Variants in NR4A2 observed in about 807,000 individuals in gnomAD.
NR4A2 encodes NGFI-B/nur77 beta-type transcription factor homolog.
Under a neutral mutation model 50.5 loss-of-function variants are expected in NR4A2, and 1 was observed. That is an observed-to-expected ratio of 0.02 (90% CI 0.01 to 0.09). The LOEUF is 0.09. Ranked by LOEUF, NR4A2 falls within the 10% of genes least tolerant of loss-of-function variation. The pLI is 1.00. For synonymous variants in NR4A2, 328 were observed against 309.4 expected (o/e 1.06, Z -0.63); for missense variants, 613 against 777.3 (o/e 0.79, Z 2.51).
intron 1 of NR4A2, chr2:156,331,671 CACAG>C (rs1172443925): frequency 6.6e-6 from 1 of 152,216 alleles, no homozygotes; most frequent in Non-Finnish European, 1.5e-5. Flanking sequence ...CATTCTAGAG[CACAG>C]ACAATCTTAT....
Position 156,326,611 on chromosome 2 carries a change from T to A in NR4A2, c.1361+107A>T. 2 of 1,243,680 alleles carry A rather than the reference T, an allele frequency of 1.6e-6. No homozygotes were observed. The highest frequency in any genetic ancestry group is 2.3e-5 in the East Asian group (1 of 43,214). 77.0% of individuals were successfully genotyped at this position (1,243,680 alleles called of 1,614,324 possible). A position where few individuals can be genotyped will look rare whatever the true frequency, so the allele number is the denominator to read the frequency against. On this transcript the variant is annotated intron_variant, in intron 6 of 7. Coordinates refer to ENST00000339562, the MANE Select transcript of NR4A2 (RefSeq NM_006186.4). The surrounding 1 kb of genome is among the most constrained non-coding windows in gnomAD (Gnocchi z 4.2). ...CCTTTCTCCGACTTCCATTTCCTAT[T>A]CTGTCTTTTTCTCTACCCCACCCTC...
rs1016909114 is a variant in NR4A2, at chr2:156,325,185, AT to A, written c.*558del. On this transcript the variant is annotated 3_prime_UTR_variant, in exon 8 of 8. Transcript: ENST00000339562. ...TAAAAAGCCAAACTGCATTGGGTAAATTTACAAGCCTTTGCCTTCTTCAACT... is the reference window on the plus strand; with the variant it reads ...TAAAAAGCCAAACTGCATTGGGTAAATTACAAGCCTTTGCCTTCTTCAACT... 1.3e-5 allele frequency: 2 copies of A among 153,194 alleles called. No individual in the cohort carries two copies. Among genetic ancestry groups the A allele is most frequent in the African/African-American group, 4.8e-5 (2 of 41,448 alleles). 9.5% of individuals were successfully genotyped at this position (153,194 alleles called of 1,614,324 possible). A position where few individuals can be genotyped will look rare whatever the true frequency, so the allele number is the denominator to read the frequency against.
chr2:156,332,552 C>T lies in NR4A2; in HGVS notation c.-199G>A. The T allele has an allele frequency of 7.8e-7, 1 of 1,284,068 alleles. No homozygotes were observed. The highest frequency in any genetic ancestry group is 1.0e-6 in the Non-Finnish European group (1 of 984,372). The allele number at this position is 1,284,068 out of a possible 1,614,324, so 79.5% of individuals were successfully genotyped here. ...GCAGTTCCCTCTGGGAGCCCGGGCGCCGGGGTCGGGTAGGGGTGGGAGAGC... is the reference window on the plus strand; with the variant it reads ...GCAGTTCCCTCTGGGAGCCCGGGCGTCGGGGTCGGGTAGGGGTGGGAGAGC... On this transcript the variant is annotated 5_prime_UTR_variant, in exon 1 of 8. Coordinates refer to ENST00000339562, the MANE Select transcript of NR4A2 (RefSeq NM_006186.4).
intron 1 of NR4A2, among the ~76,000 whole-genome samples, chr2:156,331,292 A>G (rs1686912911): frequency 6.6e-6 from 1 of 152,238 alleles, no homozygotes; most frequent in Admixed American, 6.5e-5. Context: ...AAAATGTTAG[A>G]AAGGCCTTGA....
Position 156,326,942 on chromosome 2 carries a change from C to T in NR4A2, c.1159-22G>A, listed in dbSNP as rs201359936. ...GGAACTGGAATTTCATTTTAAAAAG[C>T]ACTTAATGAGGTTCTCTAAAATATA... On this transcript the variant is annotated intron_variant, in intron 5 of 7. Transcript: ENST00000339562. The surrounding 1 kb of genome is among the most constrained non-coding windows in gnomAD (Gnocchi z 4.2). 1.9e-6 allele frequency: 3 copies of T among 1,610,544 alleles called. No homozygotes were observed. Among genetic ancestry groups the T allele is most frequent in the Non-Finnish European group, 1.7e-6 (2 of 1,177,052 alleles).
Position 156,329,644 on chromosome 2 carries a change from C to A in NR4A2, c.543G>T (p.Ser181=). ...AACTAGACACCGGGGTGCCAGGGGG[C>A]GATTGCTTAAAGGAGAAGAGGGAGA... ...SRLSLFSFKQ[S]PPGTPVSSCQ... is the part of the protein sequence containing the mutation. Residue 181 remains serine (S), a synonymous_variant, in exon 3 of 8, where the codon TCG becomes TCT. Coordinates refer to ENST00000339562, the MANE Select transcript of NR4A2 (RefSeq NM_006186.4). This position sits in a 1 kb window ranked among gnomAD's most constrained non-coding sequence, Gnocchi z 7.5. 6.2e-7 allele frequency: 1 copy of A among 1,613,574 alleles called. No homozygotes were observed. The highest frequency in any genetic ancestry group is 8.5e-7 in the Non-Finnish European group (1 of 1,179,766).
intron 1 of NR4A2, among the ~76,000 whole-genome samples, chr2:156,331,396 T>C (rs1686918493): frequency 6.6e-6 from 1 of 152,224 alleles, no homozygotes; most frequent in Non-Finnish European, 1.5e-5. Flanking sequence ...ATGTTCACTT[T>C]TCCAGAAAAC....
rs749837968 is a variant in NR4A2 at position 156,330,014 on chromosome 2, G to A, written c.173C>T (p.Pro58Leu). 2 of 1,614,220 alleles carry A rather than the reference G, an allele frequency of 1.2e-6. No individual in the cohort carries two copies. The highest frequency in any genetic ancestry group is 1.7e-6 in the Non-Finnish European group (2 of 1,180,046). The change falls in exon 3 of 8, where the codon CCC becomes CTC. Residue 58 changes from proline to leucine, a missense_variant. Coordinates refer to ENST00000339562, the MANE Select transcript of NR4A2 (RefSeq NM_006186.4). ...NTEITATTSL[P>L]SFSTFMDNYS... ...GTTGTCCATAAAGGTACTGAAGCTG[G>A]GGAGAGAAGTGGTGGCAGTGATTTC...
chr2:156,326,995 CT>C lies in NR4A2; in HGVS notation c.1159-76del. 1 of 1,406,172 alleles carries C rather than the reference CT, an allele frequency of 7.1e-7. No homozygotes were observed. Among genetic ancestry groups the C allele is most frequent in the East Asian group, 2.3e-5 (1 of 43,856 alleles). The allele number at this position is 1,406,172 out of a possible 1,614,324, so 87.1% of individuals were successfully genotyped here. ...ACCCGTGAAATTGCTAACCCCGTTT[CT>C]AATAGGGGAGCCAGGTTTTTATAAC... On this transcript the variant is annotated intron_variant, in intron 5 of 7. Transcript: ENST00000339562. The surrounding 1 kb of genome is among the most constrained non-coding windows in gnomAD (Gnocchi z 4.2).
Position 156,325,911 on chromosome 2 carries a change from C to A in NR4A2, c.1630G>T (p.Gly544Trp), listed in dbSNP as rs774369534. ...CLKDHVTFNN[G>W]GLNRPNYLSK... ...AAATAATTGGGGCGGTTCAACCCCCCATTGTTGAAAGTCACGTGGTCTTTG... is the reference window on the plus strand; with the variant it reads ...AAATAATTGGGGCGGTTCAACCCCCAATTGTTGAAAGTCACGTGGTCTTTG... The change falls in exon 8 of 8, where the codon GGG (glycine) becomes TGG (tryptophan). Residue 544 changes from glycine (G) to tryptophan (W), a missense_variant. By Grantham distance (184) the Gly-to-Trp change is radical (BLOSUM62 -2). Coordinates refer to ENST00000339562, the MANE Select transcript of NR4A2 (RefSeq NM_006186.4). 2 of 1,614,204 alleles carry A rather than the reference C, an allele frequency of 1.2e-6. No individual in the cohort carries two copies. The highest frequency in any genetic ancestry group is 2.2e-5 in the East Asian group (1 of 44,890).
chr2:156,325,320 G>T lies in NR4A2; in HGVS notation c.*424C>A. The T allele has an allele frequency of 4.9e-6, 1 of 202,316 alleles. No individual in the cohort carries two copies. Among genetic ancestry groups the T allele is most frequent in the Non-Finnish European group, 1.0e-5 (1 of 97,650 alleles). 12.5% of individuals were successfully genotyped at this position (202,316 alleles called of 1,614,324 possible). On this transcript the variant is annotated 3_prime_UTR_variant, in exon 8 of 8. Transcript: ENST00000339562. ...ATACTTGTGGGTCCCCTTAAGATGT[G>T]TCTCTGTGTGTGTGTGTGTGTGTGT...
chr2:156,331,970 A>G (rs570821480), intron 1 of NR4A2: 1 of 158,660 alleles, frequency 6.3e-6, no homozygotes, highest in African/African-American at 2.4e-5. Flanking sequence ...CAACTTAGTA[A>G]CAGGACACGC....
In NR4A2 at chr2:156,326,465, G is replaced by A; in HGVS notation, c.1362-137C>T. The A allele has an allele frequency of 2.2e-6, 2 of 916,442 alleles. No homozygotes were observed. The highest frequency in any genetic ancestry group is 1.7e-5 in the African/African-American group (1 of 60,296). The allele number at this position is 916,442 out of a possible 1,614,324, so 56.8% of individuals were successfully genotyped here. A position where few individuals can be genotyped will look rare whatever the true frequency, so the allele number is the denominator to read the frequency against. On this transcript the variant is annotated intron_variant, in intron 6 of 7. Transcript: ENST00000339562. This position sits in a 1 kb window ranked among gnomAD's most constrained non-coding sequence, Gnocchi z 4.2. ...AGAGTTAATAAAATGTAGACCAGTG[G>A]ACCTTGAAAGGGTTTAATTTCATAA...
At position 156,325,638 on chromosome 2, in the gene NR4A2, GC is replaced by G; in HGVS notation, c.*105del. On this transcript the variant is annotated 3_prime_UTR_variant, in exon 8 of 8. Transcript: ENST00000339562. ...AGGAGGGTTACAGAAATGGGGGGCA[GC>G]TTGAGCTGAGACTGCTCACACGGCT... 7.1e-7 allele frequency: 1 copy of G among 1,417,174 alleles called. No individual in the cohort carries two copies. Among genetic ancestry groups the G allele is most frequent in the Non-Finnish European group, 1.0e-6 (1 of 1,003,024 alleles). The allele number at this position is 1,417,174 out of a possible 1,614,324, so 87.8% of individuals were successfully genotyped here.
rs770820727 is a variant in NR4A2, at chr2:156,329,601, C to G, written c.586G>C (p.Gly196Arg). 8.7e-6 allele frequency: 14 copies of G among 1,608,668 alleles called. No individual in the cohort carries two copies. The Admixed American group carries it at 2.2e-4, about 25-fold the overall frequency. The change falls in exon 3 of 8, where the codon GGG becomes CGG. Residue 196 changes from glycine to arginine, a missense_variant. Transcript: ENST00000339562. This position sits in a 1 kb window ranked among gnomAD's most constrained non-coding sequence, Gnocchi z 7.5. ...GGGTTCATGGGGACGTGCAGGGGCC[C>G]GTCGAAGCGCATCTGGCAACTAGAC... Reference protein sequence around the residue: ...PVSSCQMRFDGPLHVPMNPEP... With the variant: ...PVSSCQMRFDRPLHVPMNPEP...
Position 156,329,978 on chromosome 2 carries a change from C to T in NR4A2, c.209G>A (p.Gly70Asp), listed in dbSNP as rs1453063924. 1.2e-6 allele frequency: 2 copies of T among 1,614,146 alleles called. No homozygotes were observed. The highest frequency in any genetic ancestry group is 1.7e-6 in the Non-Finnish European group (2 of 1,180,044). Residue 70 changes from glycine (G) to aspartate (D), a missense_variant, in exon 3 of 8, where the codon GGC becomes GAC. This residue lies in a region of NR4A2 where 61 missense variants were observed against 96.4 expected (regional missense o/e 0.63). Coordinates refer to ENST00000339562, the MANE Select transcript of NR4A2 (RefSeq NM_006186.4). The surrounding 1 kb of genome is among the most constrained non-coding windows in gnomAD (Gnocchi z 7.5). The stretch of plus-strand genomic sequence containing the variant: ...CAAGCAAGGTGGCTTGACGTCGTAG[C>T]CTGTGCTGTAGTTGTCCATAAAGGT... ...FSTFMDNYST[G>D]YDVKPPCLYQ...
rs780074478 is a variant in NR4A2 at position 156,326,897 on chromosome 2, T to C, written c.1182A>G (p.Gln394=). ...YSRFQANPDY[Q]MSGDDTQHIQ... ...TATGCTGGGTGTCATCTCCACTCAT[T>C]TGATAGTCAGGGTTCGCCTGGAACT... The change falls in exon 6 of 8, where the codon CAA becomes CAG. Residue 394 remains glutamine, a synonymous_variant. Coordinates refer to ENST00000339562, the MANE Select transcript of NR4A2 (RefSeq NM_006186.4). This position sits in a 1 kb window ranked among gnomAD's most constrained non-coding sequence, Gnocchi z 4.2. The C allele has an allele frequency of 1.2e-6, 2 of 1,614,204 alleles. No homozygotes were observed. The highest frequency in any genetic ancestry group is 2.2e-5 in the South Asian group (2 of 91,086).
rs1351026876 is a variant in NR4A2 at position 156,325,344 on chromosome 2, GTA to G, written c.*398_*399del. 393 of 303,140 alleles carry G rather than the reference GTA, an allele frequency of 1.3e-3. 2 individuals are homozygous for G. The highest frequency in any genetic ancestry group is 8.9e-3 in the South Asian group (297 of 33,450). The allele number at this position is 303,140 out of a possible 1,614,324, so 18.8% of individuals were successfully genotyped here. A position where few individuals can be genotyped will look rare whatever the true frequency, so the allele number is the denominator to read the frequency against. On this transcript the variant is annotated 3_prime_UTR_variant, in exon 8 of 8. Coordinates refer to ENST00000339562, the MANE Select transcript of NR4A2 (RefSeq NM_006186.4). ...TGTCTCTGTGTGTGTGTGTGTGTGT[GTA>G]TGTGTGTGTGTGTTACATTTGTCTG...
chr2:156,327,001 G>C, intron 5 of NR4A2, 81 bp from the exon 6 acceptor site: 1 of 1,324,408 alleles, frequency 7.6e-7, no homozygotes, highest in Non-Finnish European at 1.1e-6. Flanking sequence ...GTTTCTAATA[G>C]GGGAGCCAGG....
Sources: gnomAD v4.1 joint callset for allele counts (sites outside exome capture counted in the v4.1 genomes callset) on GRCh38, gnomAD v4.1.1 for gene constraint, gnomAD v4.1.1 regional missense constraint, Gnocchi (gnomAD v3.1) non-coding constraint, MANE v1.5 for transcripts, NCBI Gene and HGNC (gene_info 2026-07-23, HGNC 2026-07-21) for gene names.